The following MYH11 variants were observed in gnomAD, a reference collection of about 807,000 sequenced individuals.
The protein encoded by MYH11 is myosin heavy chain 11.
Under a neutral mutation model 246.6 loss-of-function variants are expected in MYH11, and 80 were observed. The ratio of observed to expected loss-of-function variants is 0.32; its 90% CI spans 0.27 to 0.39. The LOEUF is 0.39. MYH11 is among the 10% of genes least tolerant of loss of function. The pLI is 1.00. For missense variants in MYH11, 2,158 were observed against 2,546.8 expected (o/e 0.85, Z 3.29); for synonymous variants, 1,071 against 1,015.5 (o/e 1.05, Z -1.04).
Position 15,750,146 on chromosome 16 carries a change from C to T in MYH11, c.2050G>A (p.Glu684Lys), listed in dbSNP as rs547459589. ...TGGGCGGCGGGCCTCACCCTCTTCTCGTGGTTGGGGATGATGCAGCGCACG... is the reference window on the plus strand; with the variant it reads ...TGGGCGGCGGGCCTCACCCTCTTCTTGTGGTTGGGGATGATGCAGCGCACG... ...NFVRCIIPNH[E>K]KRSGKLDAFL... The change falls in exon 16 of 41, where the codon GAG becomes AAG. Residue 684 changes from glutamate to lysine, a missense_variant. Transcript: ENST00000300036. The surrounding 1 kb of genome is among the most constrained non-coding windows in gnomAD (Gnocchi z 4.3). 8.7e-6 allele frequency: 14 copies of T among 1,614,202 alleles called. No homozygotes were observed. In the South Asian group the frequency reaches 9.9e-5, roughly 11 times the overall value.
chr16:15,759,085 T>C (rs552778201), intron 12 of MYH11, among the ~76,000 whole-genome samples: 2 of 152,106 alleles, frequency 1.3e-5, no homozygotes, highest in East Asian at 3.9e-4. Context: ...TGCAAGCTCC[T>C]GCAAACAGTT....
At chr16:15,809,111 A>C (rs1222213387) in intron 3 of MYH11, among the ~76,000 whole-genome samples, 1 of 152,056 alleles carries the variant, frequency 6.6e-6, no homozygotes, top group Non-Finnish European at 1.5e-5. Flanking sequence ...TGTCCTCCCA[A>C]GGTCCCCAGG....
rs534137080 is a variant in MYH11, at chr16:15,829,844, C to T, written c.346-6433G>A. ...TGGAAGGAACACTGGCTTTCAGACA[C>T]ACAGGGATGGCCGGGCGCAGTGGCT... On this transcript the variant is annotated intron_variant, in intron 2 of 40. Coordinates refer to ENST00000300036, the MANE Select transcript of MYH11 (RefSeq NM_002474.3). 5.3e-5 allele frequency among the ~76,000 whole-genome samples: 8 copies of T among 152,216 alleles called. No homozygotes were observed. The East Asian group carries it at 1.5e-3, about 29-fold the overall frequency.
In MYH11 at chr16:15,795,495, C is replaced by T. The variant is rs541376531; in HGVS notation, c.530+3165G>A. Among the ~76,000 whole-genome samples the T allele has an allele frequency of 9.6e-4, 145 of 150,340 alleles. 1 individual carries two copies. The highest frequency in any genetic ancestry group is 3.5e-3 in the African/African-American group (143 of 40,794). On this transcript the variant is annotated intron_variant, in intron 4 of 40. Coordinates refer to ENST00000300036, the MANE Select transcript of MYH11 (RefSeq NM_002474.3). ...GCATGGTGGTACATGCCTGTTATCC[C>T]AGCTACTCGGGAGGCTGAGGCAGGA...
intron 20 of MYH11, 106 bp from the exon 21 acceptor site, chr16:15,741,997 G>T: frequency 2.0e-6 from 3 of 1,493,994 alleles, no homozygotes; most frequent in Non-Finnish European, 2.7e-6. Flanking sequence ...TGCCCCCACC[G>T]ATCCCCACTA....
chr16:15,754,882 C>T (rs561838353), intron 14 of MYH11, among the ~76,000 whole-genome samples: 6 of 152,118 alleles, frequency 3.9e-5, no homozygotes, highest in Non-Finnish European at 8.8e-5. Flanking sequence ...GACGGGCTTT[C>T]GCCATGTTGG....
intron 38 of MYH11, among the ~76,000 whole-genome samples, chr16:15,716,563 C>A (rs934884564): frequency 6.6e-6 from 1 of 151,972 alleles, no homozygotes; most frequent in Non-Finnish European, 1.5e-5. Context: ...ACTGTGTCAC[C>A]CAGGCTGCAG....
chr16:15,775,182 G>A (rs189911751), intron 8 of MYH11, among the ~76,000 whole-genome samples: 1 of 152,306 alleles, frequency 6.6e-6, no homozygotes, highest in Admixed American at 6.5e-5. Flanking sequence ...AACAGCTGCA[G>A]GTCCAGAACT....
chr16:15,721,068 CA>C lies in MYH11; in HGVS notation c.4579-18del, dbSNP rs1322794078. The C allele has an allele frequency of 1.2e-6, 2 of 1,612,766 alleles. No homozygotes were observed. Among genetic ancestry groups the C allele is most frequent in the Non-Finnish European group, 1.7e-6 (2 of 1,179,588 alleles). ...CTCATGGACCTGCCGGCAGAGCGGGCAGCCCCATTCTATGAGGCTCAACTTC... is the reference window on the plus strand; with the variant it reads ...CTCATGGACCTGCCGGCAGAGCGGGCGCCCCATTCTATGAGGCTCAACTTC... On this transcript the variant is annotated intron_variant, in intron 32 of 40. Coordinates refer to ENST00000300036, the MANE Select transcript of MYH11 (RefSeq NM_002474.3).
intron 3 of MYH11, among the ~76,000 whole-genome samples, chr16:15,815,294 G>A (rs1251928559): frequency 6.6e-6 from 1 of 152,154 alleles, no homozygotes; most frequent in African/African-American, 2.4e-5. Context: ...TATCTTGGAG[G>A]AAATAGACTC....
Position 15,833,419 on chromosome 16 carries a change from C to T in MYH11, c.345+4489G>A, listed in dbSNP as rs76053540. Among the ~76,000 whole-genome samples the T allele has an allele frequency of 3.8e-5, 3 of 78,422 alleles. No homozygotes were observed. The Admixed American group carries it at 4.0e-4, about 10-fold the overall frequency. The allele number at this position is 78,422 out of a possible 152,430, so 51.4% of individuals were successfully genotyped here. A position where few individuals can be genotyped will look rare whatever the true frequency, so the allele number is the denominator to read the frequency against. The stretch of plus-strand genomic sequence containing the variant: ...AGGAAGGAAGGAAGGAAGGGAGGAA[C>T]GAACTAACTAACTCGAGGCAGACGA... On this transcript the variant is annotated intron_variant, in intron 2 of 40. Coordinates refer to ENST00000300036, the MANE Select transcript of MYH11 (RefSeq NM_002474.3).
chr16:15,803,662 A>C (rs1054301342), intron 3 of MYH11, among the ~76,000 whole-genome samples: 1 of 152,200 alleles, frequency 6.6e-6, no homozygotes, highest in African/African-American at 2.4e-5. Flanking sequence ...TCTTAAGGAA[A>C]GATTTTGAGA....
chr16:15,709,895 G>A (rs905003597), intron 40 of MYH11, among the ~76,000 whole-genome samples: 1 of 152,294 alleles, frequency 6.6e-6, no homozygotes, highest in Non-Finnish European at 1.5e-5. Context: ...AACTGGCAGT[G>A]TAGCCAGTGG....
At chr16:15,767,884 T>C (rs1390600764) in intron 9 of MYH11, among the ~76,000 whole-genome samples, 2 of 151,420 alleles carry the variant, frequency 1.3e-5, no homozygotes, top group African/African-American at 2.4e-5. Context: ...TCTCCCTCAG[T>C]GCCTCCAGGA....
chr16:15,782,274 T>A (rs2042373333), intron 6 of MYH11, 111 bp downstream of exon 6: 1 of 864,580 alleles, frequency 1.2e-6, no homozygotes, highest in East Asian at 2.4e-5. Flanking sequence ...ATACAGCCCA[T>A]CTCTCCAGGG....
chr16:15,810,370 G>A lies in MYH11; in HGVS notation c.503-11683C>T, dbSNP rs202217131. 4.6e-5 allele frequency among the ~76,000 whole-genome samples: 7 copies of A among 151,952 alleles called. No individual in the cohort carries two copies. In the East Asian group the frequency reaches 1.4e-3, roughly 29 times the overall value. On this transcript the variant is annotated intron_variant, in intron 3 of 40. Transcript: ENST00000300036. Reference sequence around the variant, plus strand: ...ATTTTATAACAAATAATTCTCCTTTGCTGTCTCCCTTCCCTGTAATGCACC... The same window carrying A: ...ATTTTATAACAAATAATTCTCCTTTACTGTCTCCCTTCCCTGTAATGCACC...
At chr16:15,771,984 C>A (rs558385486) in intron 8 of MYH11, among the ~76,000 whole-genome samples, 2 of 151,326 alleles carry the variant, frequency 1.3e-5, no homozygotes, top group Admixed American at 6.6e-5. Context: ...CACGAAGTTA[C>A]ATTTACCTGG....
chr16:15,718,959 C>T, intron 36 of MYH11: 2 of 484,022 alleles, frequency 4.1e-6, no homozygotes, highest in Non-Finnish European at 7.5e-6. Context: ...GAAACCCCAC[C>T]TCTACTAAAA....
chr16:15,722,799 G>A (rs1212423305), intron 31 of MYH11, among the ~76,000 whole-genome samples: 3 of 152,186 alleles, frequency 2.0e-5, no homozygotes, highest in Non-Finnish European at 4.4e-5. Flanking sequence ...GGGGTGTAGT[G>A]GCGCAATCTT....
Sources: gnomAD v4.1 joint callset for allele counts (sites outside exome capture counted in the v4.1 genomes callset) on GRCh38, gnomAD v4.1.1 for gene constraint, Gnocchi (gnomAD v3.1) non-coding constraint, MANE v1.5 for transcripts, NCBI Gene and HGNC (gene_info 2026-07-23, HGNC 2026-07-21) for gene names.